The following CLIC2 variants were observed in gnomAD, a reference collection of about 807,000 sequenced individuals.
The protein encoded by CLIC2 is CLIC family member 2.
A neutral mutation model predicts 14.8 loss-of-function variants in CLIC2; 9 were observed. The observed-to-expected ratio is 0.61, with a 90% CI of 0.37 to 1.06. The LOEUF is 1.06. CLIC2 is among the 50% of genes least tolerant of loss of function. The pLI is 0.01. For missense variants in CLIC2, 148 were observed against 181.4 expected (o/e 0.82, Z 1.06); for synonymous variants, 61 against 66.3 (o/e 0.92, Z 0.39).
At chrX:155,294,227 A>T (rs190703289) in intron 3 of CLIC2, among the ~76,000 whole-genome samples, 1 of 112,132 alleles carries the variant, frequency 8.9e-6, no homozygotes, top group East Asian at 2.8e-4. Context: ...AATGAAATCA[A>T]ATCAACTATA....
At chrX:155,290,315 C>A in intron 3 of CLIC2, 1 of 299,694 alleles carries the variant, frequency 3.3e-6, no homozygotes. Flanking sequence ...GAAAGCTGGA[C>A]TTTTAAAAAA....
chrX:155,299,459 G>A (rs1557318749), intron 1 of CLIC2, among the ~76,000 whole-genome samples: 1 of 110,907 alleles, frequency 9.0e-6, no homozygotes, highest in African/African-American at 3.3e-5. Flanking sequence ...ACATTTCTGG[G>A]CATATAGCTT....
chrX:155,287,695 T>C (rs148430724), intron 3 of CLIC2, among the ~76,000 whole-genome samples: 1,239 of 112,154 alleles, frequency 0.011, 16 homozygotes, highest in Middle Eastern at 0.018. Flanking sequence ...ACTTCCAGCT[T>C]TGTTATTTTT....
chrX:155,315,822 T>A lies in CLIC2; in HGVS notation c.58-16677A>T, dbSNP rs140090402. Among the ~76,000 whole-genome samples, 801 of 111,540 alleles carry A rather than the reference T, an allele frequency of 7.2e-3. 7 individuals carry two copies. Among genetic ancestry groups the A allele is most frequent in the African/African-American group, 0.025 (760 of 30,706 alleles). On this transcript the variant is annotated intron_variant, in intron 1 of 5. Coordinates refer to ENST00000369449, the MANE Select transcript of CLIC2 (RefSeq NM_001289.6). The stretch of plus-strand genomic sequence containing the variant: ...CCTCACTTAAAAGATATAGAATCCA[T>A]TCTACAATGGATAAGAATTCACCAA...
At chrX:155,292,569 G>T in intron 3 of CLIC2, 1 of 405,697 alleles carries the variant, frequency 2.5e-6, no homozygotes. Context: ...AGGAGATCGA[G>T]ACCATCCTGG....
chrX:155,279,180 C>A lies in CLIC2; in HGVS notation c.551G>T (p.Cys184Phe). The change falls in exon 5 of 6, where the codon TGT becomes TTT. Residue 184 changes from cysteine (C) to phenylalanine (F), a missense_variant. Transcript: ENST00000369449. ...AATGTTCAGCTTGGGTAACAAGCTA[C>A]AATCAGCCAGTGTTAGCTGGTCCCC... is the stretch of plus-strand genomic sequence containing the variant. ...LDGDQLTLAD[C>F]SLLPKLNIIK... 2.5e-6 allele frequency: 3 copies of A among 1,211,025 alleles called. No individual in the cohort carries two copies. Among genetic ancestry groups the A allele is most frequent in the Non-Finnish European group, 3.4e-6 (3 of 895,075 alleles).
chrX:155,300,356 T>C (rs1557318900), intron 1 of CLIC2, among the ~76,000 whole-genome samples: 1 of 110,751 alleles, frequency 9.0e-6, no homozygotes, highest in Non-Finnish European at 1.9e-5. Flanking sequence ...CATGTGTTTT[T>C]TGGCTGCATA....
Position 155,278,335 on chromosome X carries a change from A to T in CLIC2, c.583-271T>A, listed in dbSNP as rs1484551091. 4.5e-5 allele frequency among the ~76,000 whole-genome samples: 5 copies of T among 112,023 alleles called. No homozygotes were observed. In the Admixed American group the frequency reaches 4.7e-4, roughly 11 times the overall value. On this transcript the variant is annotated intron_variant, in intron 5 of 5. Coordinates refer to ENST00000369449, the MANE Select transcript of CLIC2 (RefSeq NM_001289.6). ...AAGGAACCACAGAAAATGAGCACAT[A>T]TCCACCACGACTAGACTAAGAGTTT...
chrX:155,324,228 T>A lies in CLIC2; in HGVS notation c.57+10143A>T, dbSNP rs12396671. Among the ~76,000 whole-genome samples the A allele has an allele frequency of 8.3e-3, 928 of 111,980 alleles. 9 individuals carry two copies. The highest frequency in any genetic ancestry group is 0.029 in the African/African-American group (885 of 30,915). On this transcript the variant is annotated intron_variant, in intron 1 of 5. Coordinates refer to ENST00000369449, the MANE Select transcript of CLIC2 (RefSeq NM_001289.6). ...AAACTTAAAGTATAATAATAATTTT[T>A]AAAAACCTACTTTAAATTTCATATG...
intron 1 of CLIC2, among the ~76,000 whole-genome samples, chrX:155,302,334 C>A (rs1287873228): frequency 9.2e-6 from 1 of 109,059 alleles, no homozygotes; most frequent in African/African-American, 3.3e-5. Context: ...AGGAATTTAT[C>A]CATTTCGTCT....
Position 155,299,689 on chromosome X carries a change from T to C in CLIC2, c.58-544A>G, listed in dbSNP as rs1442361934. 6.6e-5 allele frequency among the ~76,000 whole-genome samples: 7 copies of C among 105,934 alleles called. No homozygotes were observed. The East Asian group carries it at 1.9e-3, about 29-fold the overall frequency. The allele number at this position is 105,934 out of a possible 115,157, so 92.0% of individuals were successfully genotyped here. ...GCGCTGCACCCACTAACTCGTCATC[T>C]AGCATTAGGTATATCTCCTGATGTT... On this transcript the variant is annotated intron_variant, in intron 1 of 5. Transcript: ENST00000369449.
chrX:155,321,151 TC>T (rs2075113087), intron 1 of CLIC2, among the ~76,000 whole-genome samples: 1 of 111,932 alleles, frequency 8.9e-6, no homozygotes, highest in Non-Finnish European at 1.9e-5. Flanking sequence ...CAGGATATTA[TC>T]CAGGAGAACT....
At chrX:155,296,648 C>G (rs1173774273) in intron 3 of CLIC2, among the ~76,000 whole-genome samples, 2 of 110,947 alleles carry the variant, frequency 1.8e-5, no homozygotes, top group Non-Finnish European at 3.8e-5. Flanking sequence ...AACAACTCAA[C>G]AATAAAAAAA....
chrX:155,310,990 G>A (rs1360939302), intron 1 of CLIC2, among the ~76,000 whole-genome samples: 1 of 111,991 alleles, frequency 8.9e-6, no homozygotes, highest in Non-Finnish European at 1.9e-5. Flanking sequence ...AAACAGCAGA[G>A]GGACCCTGCG....
At chrX:155,319,433 CCTCA>C (rs1557321390) in intron 1 of CLIC2, among the ~76,000 whole-genome samples, 1 of 111,970 alleles carries the variant, frequency 8.9e-6, no homozygotes, top group Non-Finnish European at 1.9e-5. Context: ...TGGGGCGTCA[CCTCA>C]CTCAGGAAGC....
chrX:155,285,944 C>T (rs782103752), intron 3 of CLIC2, among the ~76,000 whole-genome samples: 3 of 108,093 alleles, frequency 2.8e-5, no homozygotes, highest in East Asian at 2.9e-4. Context: ...GCTCCAAAGC[C>T]GAAAGAGGAG....
intron 1 of CLIC2, among the ~76,000 whole-genome samples, chrX:155,319,898 G>T (rs1189468878): frequency 2.7e-5 from 3 of 111,783 alleles, no homozygotes; most frequent in African/African-American, 6.5e-5. Context: ...CATTACTGAG[G>T]CTTGAGTAAG....
rs782812859 is a variant in CLIC2, at chrX:155,277,978, T to C, written c.669A>G (p.Glu223=). 1.5e-5 allele frequency: 18 copies of C among 1,206,376 alleles called. No individual in the cohort carries two copies. The highest frequency in any genetic ancestry group is 1.5e-5 in the Non-Finnish European group (13 of 890,590). The part of the protein sequence containing the change: ...WRYLHNAYAR[E]EFTHTCPEDK... ...CTTCAGGACACGTGTGGGTAAATTCTTCACGGGCATAGGCATTGTGGAGAT... is the reference window on the plus strand; with the variant it reads ...CTTCAGGACACGTGTGGGTAAATTCCTCACGGGCATAGGCATTGTGGAGAT... Residue 223 remains glutamate (E), a synonymous_variant, in exon 6 of 6, where the codon GAA becomes GAG. Coordinates refer to ENST00000369449, the MANE Select transcript of CLIC2 (RefSeq NM_001289.6).
intron 1 of CLIC2, among the ~76,000 whole-genome samples, chrX:155,322,130 C>T (rs2075117738): frequency 9.0e-6 from 1 of 111,157 alleles, no homozygotes; most frequent in Non-Finnish European, 1.9e-5. Flanking sequence ...TAACACCCCA[C>T]TGTCAACATT....
Sources: allele counts gnomAD v4.1 joint callset (sites outside exome capture counted in the v4.1 genomes callset), GRCh38; gene constraint gnomAD v4.1.1; transcripts MANE v1.5; gene names NCBI Gene and HGNC (gene_info 2026-07-23, HGNC 2026-07-21).